Variants in BMPR2 observed in about 807,000 individuals in gnomAD.
The protein encoded by BMPR2 is bone morphogenetic protein receptor type-2.
Under a neutral mutation model 100.8 loss-of-function variants are expected in BMPR2, and 29 were observed. The ratio of observed to expected loss-of-function variants is 0.29; its 90% CI spans 0.21 to 0.39. The LOEUF is 0.39. Ranked by LOEUF, BMPR2 falls within the 10% of genes least tolerant of loss-of-function variation. The pLI is 1.00. For missense variants in BMPR2, 1,011 were observed against 1,274.5 expected (o/e 0.79, Z 3.15); for synonymous variants, 382 against 442.3 (o/e 0.86, Z 1.71).
intron 1 of BMPR2, among the ~76,000 whole-genome samples, chr2:202,377,896 C>G (rs1035532354): frequency 1.3e-5 from 2 of 152,160 alleles, no homozygotes; most frequent in Admixed American, 1.3e-4. Flanking sequence ...ATTATGAGAT[C>G]TCTGGAAACA....
At chr2:202,460,198 C>T (rs1304671534) in intron 1 of BMPR2, among the ~76,000 whole-genome samples, 4 of 152,238 alleles carry the variant, frequency 2.6e-5, no homozygotes, top group South Asian at 4.1e-4. Context: ...GACACATGCA[C>T]GTGTATGTTT....
intron 1 of BMPR2, among the ~76,000 whole-genome samples, chr2:202,391,686 G>A (rs750607220): frequency 6.7e-6 from 1 of 148,336 alleles, no homozygotes; most frequent in Non-Finnish European, 1.5e-5. Flanking sequence ...TCCCAACTCA[G>A]GCCATCCTCT....
At chr2:202,477,849 T>C (rs528210890) in intron 3 of BMPR2, among the ~76,000 whole-genome samples, 1 of 152,264 alleles carries the variant, frequency 6.6e-6, no homozygotes, top group Admixed American at 6.5e-5. Context: ...AACCAGATAT[T>C]CTGCCTTTTT....
chr2:202,481,007 A>G (rs149876503), intron 3 of BMPR2, among the ~76,000 whole-genome samples: 3 of 149,548 alleles, frequency 2.0e-5, no homozygotes, highest in Non-Finnish European at 4.4e-5. Context: ...GCAAAGGTGT[A>G]TTTCTGAACT....
chr2:202,533,043 G>C (rs544072426), intron 9 of BMPR2, among the ~76,000 whole-genome samples: 2 of 152,272 alleles, frequency 1.3e-5, no homozygotes, highest in African/African-American at 4.8e-5. Flanking sequence ...CACCATCTGA[G>C]TGTTTGAGAC....
intron 1 of BMPR2, among the ~76,000 whole-genome samples, chr2:202,390,171 A>C (rs1303634254): frequency 6.6e-6 from 1 of 152,178 alleles, no homozygotes; most frequent in Admixed American, 6.6e-5. Flanking sequence ...TATATTGTAC[A>C]TAAAGTTTTG....
intron 3 of BMPR2, among the ~76,000 whole-genome samples, chr2:202,506,525 A>G (rs1227879625): frequency 1.3e-5 from 2 of 152,124 alleles, no homozygotes; most frequent in Non-Finnish European, 2.9e-5. Context: ...CCCTCATTAT[A>G]TAATTACCTT....
At chr2:202,536,230 C>T (rs943598809) in intron 9 of BMPR2, among the ~76,000 whole-genome samples, 3 of 152,080 alleles carry the variant, frequency 2.0e-5, no homozygotes, top group Admixed American at 6.6e-5. Flanking sequence ...TCTCCCACCT[C>T]AGCCTCTGAG....
At chr2:202,478,408 G>A (rs918049194) in intron 3 of BMPR2, among the ~76,000 whole-genome samples, 2 of 152,134 alleles carry the variant, frequency 1.3e-5, no homozygotes, top group African/African-American at 4.8e-5. Context: ...CATAAAAGAA[G>A]GCTATGTATT....
intron 1 of BMPR2, among the ~76,000 whole-genome samples, chr2:202,380,034 A>AT (rs1217722727): frequency 6.6e-6 from 1 of 151,794 alleles, no homozygotes; most frequent in Non-Finnish European, 1.5e-5. Context: ...ATTTATTTTT[A>AT]TTTTTTGTAT....
intron 3 of BMPR2, among the ~76,000 whole-genome samples, chr2:202,506,107 A>G (rs1373287613): frequency 6.6e-6 from 1 of 152,126 alleles, no homozygotes; most frequent in Non-Finnish European, 1.5e-5. Flanking sequence ...CAATGTTCTC[A>G]CATGGCAGAG....
chr2:202,410,833 C>T (rs559597133), intron 1 of BMPR2, among the ~76,000 whole-genome samples: 43 of 152,252 alleles, frequency 2.8e-4, no homozygotes, highest in African/African-American at 1.0e-3. Flanking sequence ...CCCGCCTCGG[C>T]CTCCCAAAGT....
intron 1 of BMPR2, among the ~76,000 whole-genome samples, chr2:202,439,075 T>C (rs1486402799): frequency 1.3e-5 from 2 of 150,502 alleles, no homozygotes; most frequent in African/African-American, 5.0e-5. Context: ...TTAATAAATA[T>C]TAAGTCTTAT....
At chr2:202,411,620 C>T (rs1014457183) in intron 1 of BMPR2, among the ~76,000 whole-genome samples, 6 of 152,072 alleles carry the variant, frequency 3.9e-5, no homozygotes, top group African/African-American at 1.4e-4. Flanking sequence ...TTTGTGTGCT[C>T]TGTTGGAGTC....
intron 11 of BMPR2, among the ~76,000 whole-genome samples, chr2:202,553,398 T>G (rs1463625420): frequency 6.6e-6 from 1 of 152,216 alleles, no homozygotes; most frequent in Non-Finnish European, 1.5e-5. Context: ...CAAAGGTCTT[T>G]CTGTTCCATC....
At chr2:202,499,986 C>T (rs1433051171) in intron 3 of BMPR2, among the ~76,000 whole-genome samples, 1 of 152,188 alleles carries the variant, frequency 6.6e-6, no homozygotes, top group Non-Finnish European at 1.5e-5. Flanking sequence ...GCTGCCCCCT[C>T]ATCCATGTCC....
intron 3 of BMPR2, among the ~76,000 whole-genome samples, chr2:202,484,984 A>AG (rs1007473822): frequency 6.7e-6 from 1 of 150,102 alleles, no homozygotes; most frequent in African/African-American, 2.5e-5. Context: ...AAAAAAAAAA[A>AG]AAAAGAAAGA....
At chr2:202,416,977 C>T (rs762158360) in intron 1 of BMPR2, among the ~76,000 whole-genome samples, 27 of 151,286 alleles carry the variant, frequency 1.8e-4, no homozygotes, top group Admixed American at 2.6e-4. Context: ...GTTGGGACTA[C>T]AGGCACCCGC....
chr2:202,501,118 G>C (rs1687382101), intron 3 of BMPR2, among the ~76,000 whole-genome samples: 1 of 152,200 alleles, frequency 6.6e-6, no homozygotes, highest in Admixed American at 6.5e-5. Flanking sequence ...CTAATCAAGG[G>C]TACAAGGTGT....
Sources: allele counts gnomAD v4.1 joint callset (sites outside exome capture counted in the v4.1 genomes callset), GRCh38; gene constraint gnomAD v4.1.1; transcripts MANE v1.5; gene names NCBI Gene and HGNC (gene_info 2026-07-23, HGNC 2026-07-21).